Variants in SIAH1 observed in about 807,000 individuals in gnomAD.
SIAH1 encodes the protein siah E3 ubiquitin protein ligase 1.
Under a neutral mutation model 20.0 loss-of-function variants are expected in SIAH1, and 2 were observed. The observed-to-expected ratio is 0.10, with a 90% confidence interval of 0.04 to 0.31. SIAH1 has a LOEUF of 0.31. Among genes scored for constraint, SIAH1 ranks in the 10% least tolerant of loss-of-function variants. SIAH1 has a pLI of 1.00. For missense variants in SIAH1, 119 were observed against 355.3 expected (o/e 0.33, Z 5.35); for synonymous variants, 118 against 125.3 (o/e 0.94, Z 0.39).
intron 1 of SIAH1, among the ~76,000 whole-genome samples, chr16:48,381,343 A>C (rs958285103): frequency 6.6e-6 from 1 of 152,042 alleles, no homozygotes; most frequent in African/African-American, 2.4e-5. Flanking sequence ...AGACTGTCTC[A>C]AAAAAACAGC....
chr16:48,365,533 C>T, intron 1 of SIAH1: 1 of 1,583,328 alleles, frequency 6.3e-7, no homozygotes, highest in Non-Finnish European at 8.6e-7. Flanking sequence ...CAGGCCCCTC[C>T]TGGGCTCTTT....
At chr16:48,386,008 T>G (rs540625495), upstream of SIAH1, among the ~76,000 whole-genome samples, 92 of 152,162 alleles carry the variant, frequency 6.0e-4, no homozygotes, top group South Asian at 1.7e-3. Context: ...AAAGCTTGTT[T>G]CAGCTGAAAA....
In SIAH1 at chr16:48,361,505, G is replaced by A; in HGVS notation, c.*75C>T. The stretch of plus-strand genomic sequence containing the variant: ...CCACCTACCGAAAGAGTTTTAGGTT[G>A]GCAGACAGATGGGTGCCTTATTTTC... On this transcript the variant is annotated 3_prime_UTR_variant, in exon 2 of 2. Transcript: ENST00000394725. 1 of 1,475,874 alleles carries A rather than the reference G, an allele frequency of 6.8e-7. No homozygotes were observed. Among genetic ancestry groups the A allele is most frequent in the South Asian group, 1.1e-5 (1 of 87,490 alleles). The allele number at this position is 1,475,874 out of a possible 1,614,324, so 91.4% of individuals were successfully genotyped here.
intron 1 of SIAH1, chr16:48,365,724 G>C: frequency 7.0e-7 from 1 of 1,419,496 alleles, no homozygotes; most frequent in Non-Finnish European, 9.2e-7. Context: ...CCACAGCTGC[G>C]CTGTCCTCCA....
rs1960592248 is a variant in SIAH1, at chr16:48,361,503, T to C, written c.*77A>G. ...TTCCACCTACCGAAAGAGTTTTAGGTTGGCAGACAGATGGGTGCCTTATTT... is the reference window on the plus strand; with the variant it reads ...TTCCACCTACCGAAAGAGTTTTAGGCTGGCAGACAGATGGGTGCCTTATTT... On this transcript the variant is annotated 3_prime_UTR_variant, in exon 2 of 2. Transcript: ENST00000394725. 2.7e-6 allele frequency: 4 copies of C among 1,471,640 alleles called. No homozygotes were observed. In the East Asian group the frequency reaches 9.1e-5, roughly 34 times the overall value. The allele number at this position is 1,471,640 out of a possible 1,614,324, so 91.2% of individuals were successfully genotyped here. A position where few individuals can be genotyped will look rare whatever the true frequency, so the allele number is the denominator to read the frequency against.
At position 48,385,393 on chromosome 16, in the gene SIAH1, G is replaced by T. The variant is rs1394344049; in HGVS notation, c.-192C>A. 4.5e-5 allele frequency: 7 copies of T among 155,332 alleles called. No homozygotes were observed. The highest frequency in any genetic ancestry group is 4.2e-5 in the Non-Finnish European group (3 of 71,478). The allele number at this position is 155,332 out of a possible 1,614,324, so 9.6% of individuals were successfully genotyped here. A position where few individuals can be genotyped will look rare whatever the true frequency, so the allele number is the denominator to read the frequency against. ...CGGCTCCCCCCTGGCCGCCGCCGCC[G>T]CCGCCGTTTCGCGCGTCCTCGAGCC... On this transcript the variant is annotated 5_prime_UTR_variant, in exon 1 of 2. Transcript: ENST00000394725.
intron 1 of SIAH1, among the ~76,000 whole-genome samples, chr16:48,368,012 C>T (rs917022572): frequency 3.9e-5 from 6 of 152,202 alleles, no homozygotes; most frequent in African/African-American, 1.4e-4. Context: ...GAGCATTCAG[C>T]CATTGCTTTA....
In SIAH1 at chr16:48,362,681, C is replaced by T. The variant is rs1168315258; in HGVS notation, c.-2-251G>A. 2 of 446,280 alleles carry T rather than the reference C, an allele frequency of 4.5e-6. No individual in the cohort carries two copies. The highest frequency in any genetic ancestry group is 8.4e-6 in the Non-Finnish European group (2 of 239,022). The allele number at this position is 446,280 out of a possible 1,614,324, so 27.6% of individuals were successfully genotyped here. On this transcript the variant is annotated intron_variant, in intron 1 of 1. Transcript: ENST00000394725. This position sits in a 1 kb window ranked among gnomAD's most constrained non-coding sequence, Gnocchi z 4.2. Reference sequence around the variant, plus strand: ...GGAAAACATGTGGAACTCCCTTAATCGTCTTTGGATAGACTACATAGAATA... The same window carrying T: ...GGAAAACATGTGGAACTCCCTTAATTGTCTTTGGATAGACTACATAGAATA...
At chr16:48,378,444 T>C (rs1047573818) in intron 1 of SIAH1, among the ~76,000 whole-genome samples, 7 of 152,146 alleles carry the variant, frequency 4.6e-5, no homozygotes, top group Non-Finnish European at 8.8e-5. Context: ...AATAAATCTA[T>C]GGTGTAAAAA....
At chr16:48,367,568 A>T (rs975530385) in intron 1 of SIAH1, among the ~76,000 whole-genome samples, 5 of 152,210 alleles carry the variant, frequency 3.3e-5, no homozygotes, top group Non-Finnish European at 7.3e-5. Context: ...TGTATCATGG[A>T]TGGTACATAT....
chr16:48,375,143 T>C (rs1489118917), intron 1 of SIAH1, among the ~76,000 whole-genome samples: 1 of 152,144 alleles, frequency 6.6e-6, no homozygotes, highest in African/African-American at 2.4e-5. Flanking sequence ...AGTGAGACTC[T>C]AAAAAGTCTA....
intron 1 of SIAH1, among the ~76,000 whole-genome samples, chr16:48,376,733 G>A (rs1294819607): frequency 6.6e-6 from 1 of 152,070 alleles, no homozygotes; most frequent in Non-Finnish European, 1.5e-5. Context: ...AAAGAATACA[G>A]TCTGCAAAAA....
upstream of SIAH1, chr16:48,385,597 G>GT (rs1961441330): frequency 6.6e-6 from 1 of 152,078 alleles, no homozygotes; most frequent in Non-Finnish European, 1.5e-5. Flanking sequence ...GCGGCAGTAG[G>GT]TGCGGGGGCT....
intron 1 of SIAH1, chr16:48,365,448 C>G: frequency 2.5e-6 from 4 of 1,613,902 alleles, no homozygotes; most frequent in Non-Finnish European, 3.4e-6. Flanking sequence ...TCCAGGAGTA[C>G]AGAGAAGGTG....
rs958077928 is a variant in SIAH1, at chr16:48,375,769, T to C, written c.-3+9435A>G. Among the ~76,000 whole-genome samples the C allele has an allele frequency of 3.3e-5, 5 of 152,240 alleles. No individual in the cohort carries two copies. In the East Asian group the frequency reaches 9.6e-4, roughly 29 times the overall value. On this transcript the variant is annotated intron_variant, in intron 1 of 1. Transcript: ENST00000394725. ...TAGATATGCACATTGATGTATATAT[T>C]TTCATGTATGTATGCATGTATGTAG... is the stretch of plus-strand genomic sequence containing the variant.
intron 1 of SIAH1, among the ~76,000 whole-genome samples, chr16:48,379,539 T>C (rs987340075): frequency 6.6e-6 from 1 of 152,194 alleles, no homozygotes; most frequent in African/African-American, 2.4e-5. Context: ...AAGAGTTTAA[T>C]AAGGACAGTG....
Position 48,361,519 on chromosome 16 carries a change from T to C in SIAH1, c.*61A>G. ...AGTTTTAGGTTGGCAGACAGATGGG[T>C]GCCTTATTTTCTGTGAAACTGAAGT... On this transcript the variant is annotated 3_prime_UTR_variant, in exon 2 of 2. Transcript: ENST00000394725. The C allele has an allele frequency of 6.4e-7, 1 of 1,555,424 alleles. No individual in the cohort carries two copies. The highest frequency in any genetic ancestry group is 8.8e-7 in the Non-Finnish European group (1 of 1,137,746).
chr16:48,373,496 T>C (rs1487965467), intron 1 of SIAH1, among the ~76,000 whole-genome samples: 1 of 152,192 alleles, frequency 6.6e-6, no homozygotes, highest in African/African-American at 2.4e-5. Context: ...TCAGGAAATC[T>C]TATTATACCT....
chr16:48,375,008 T>C (rs952587588), intron 1 of SIAH1, among the ~76,000 whole-genome samples: 9 of 152,046 alleles, frequency 5.9e-5, no homozygotes, highest in African/African-American at 1.4e-4. Flanking sequence ...AAGACAAAGA[T>C]AAATGCAAAA....
Sources: gnomAD v4.1 joint callset for allele counts (sites outside exome capture counted in the v4.1 genomes callset) on GRCh38, gnomAD v4.1.1 for gene constraint, Gnocchi (gnomAD v3.1) non-coding constraint, MANE v1.5 for transcripts, NCBI Gene and HGNC (gene_info 2026-07-23, HGNC 2026-07-21) for gene names.